Variants in PLD5 observed in about 807,000 individuals in gnomAD.
The protein encoded by PLD5 is phospholipase D family member 5, also known as inactive phospholipase D5.
A neutral mutation model predicts 61.1 loss-of-function variants in PLD5; 36 were observed. The ratio of observed to expected loss-of-function variants is 0.59; its 90% CI spans 0.45 to 0.78. The LOEUF (loss-of-function observed/expected upper bound fraction) is 0.78, where lower values mean the gene tolerates loss of function less well. Among genes scored for constraint, PLD5 ranks in the 30% least tolerant of loss-of-function variants. The probability of loss-of-function intolerance (pLI) is 0.00; values close to 1 mark genes in which losing one functional copy is unlikely to be tolerated. For missense variants in PLD5, 515 were observed against 644.4 expected (o/e 0.80, Z 2.17); for synonymous variants, 243 against 242.8 (o/e 1.00, Z -0.01).
At chr1:242,195,141 C>T (rs75063778) in intron 5 of PLD5, among the ~76,000 whole-genome samples, 3,321 of 152,320 alleles carry the variant, frequency 0.022, 108 homozygotes, top group African/African-American at 0.065. Context: ...TTGAGAAAGA[C>T]TTTTCTAACA....
At chr1:242,197,650 T>TC (rs1465428441) in intron 5 of PLD5, among the ~76,000 whole-genome samples, 1 of 150,914 alleles carries the variant, frequency 6.6e-6, no homozygotes, top group African/African-American at 2.4e-5. Flanking sequence ...TTTTTTTTTT[T>TC]CTGAGACGGA....
At chr1:242,226,715 A>C (rs1025884233) in intron 4 of PLD5, among the ~76,000 whole-genome samples, 2 of 152,178 alleles carry the variant, frequency 1.3e-5, no homozygotes, top group South Asian at 4.1e-4. Flanking sequence ...AAAAATCAGG[A>C]AACTCCAAAT....
At chr1:242,140,370 A>G (rs1174015286) in intron 5 of PLD5, among the ~76,000 whole-genome samples, 1 of 152,184 alleles carries the variant, frequency 6.6e-6, no homozygotes, top group Non-Finnish European at 1.5e-5. Flanking sequence ...GAGGCTGGGC[A>G]CTGTGGCTCA....
rs112368504 is a variant in PLD5, at chr1:242,244,020, C to T, written c.607+21317G>A. On this transcript the variant is annotated intron_variant, in intron 4 of 9. Coordinates refer to ENST00000536534, the MANE Select transcript of PLD5 (RefSeq NM_001372062.1). ...CAATTTTTCTCTGTTCCTGAAAGCT[C>T]CCAAATTGTCTGGACCTTTTTCAAG... 6.7e-3 allele frequency among the ~76,000 whole-genome samples: 1,016 copies of T among 152,248 alleles called. 17 individuals carry two copies. Among genetic ancestry groups the T allele is most frequent in the African/African-American group, 0.024 (978 of 41,546 alleles).
chr1:242,520,630 T>C (rs567662970), intron 1 of PLD5, among the ~76,000 whole-genome samples: 1 of 152,182 alleles, frequency 6.6e-6, no homozygotes, highest in Non-Finnish European at 1.5e-5. Flanking sequence ...CTCCGTACAG[T>C]GCAGCTGGCA....
At chr1:242,426,810 T>C (rs565605059) in intron 1 of PLD5, among the ~76,000 whole-genome samples, 6 of 152,308 alleles carry the variant, frequency 3.9e-5, no homozygotes, top group African/African-American at 1.2e-4. Flanking sequence ...CTTGGGAACA[T>C]TGTTAGGCTG....
intron 1 of PLD5, among the ~76,000 whole-genome samples, chr1:242,373,074 A>T (rs893214312): frequency 6.6e-6 from 1 of 152,232 alleles, no homozygotes; most frequent in Non-Finnish European, 1.5e-5. Flanking sequence ...CATAATCTAC[A>T]AAGAACTCAA....
chr1:242,508,148 G>A (rs1439585631), intron 1 of PLD5, among the ~76,000 whole-genome samples: 4 of 151,524 alleles, frequency 2.6e-5, no homozygotes, highest in Non-Finnish European at 5.9e-5. Context: ...CGGATCACCT[G>A]AGGTCAGGAG....
chr1:242,206,623 A>C (rs1198097415), intron 5 of PLD5, among the ~76,000 whole-genome samples: 1 of 152,212 alleles, frequency 6.6e-6, no homozygotes, highest in Non-Finnish European at 1.5e-5. Flanking sequence ...ATAATAAAGT[A>C]AGCTAGAGAA....
At chr1:242,516,398 C>A (rs574964853) in intron 1 of PLD5, among the ~76,000 whole-genome samples, 2 of 151,880 alleles carry the variant, frequency 1.3e-5, no homozygotes, top group South Asian at 4.2e-4. Context: ...ATTATTAAAA[C>A]TGCTTCAAAA....
chr1:242,108,736 G>A (rs1293223948), intron 7 of PLD5, among the ~76,000 whole-genome samples: 1 of 152,096 alleles, frequency 6.6e-6, no homozygotes. Flanking sequence ...CCCTAATTCT[G>A]GGCCAATTCA....
rs1250369930 is a variant in PLD5, at chr1:242,088,132, G to C, written c.*1722C>G. The C allele has an allele frequency of 6.6e-6, 1 of 151,948 alleles. No individual in the cohort carries two copies. The highest frequency in any genetic ancestry group is 2.4e-5 in the African/African-American group (1 of 41,272). The allele number at this position is 151,948 out of a possible 1,614,324, so 9.4% of individuals were successfully genotyped here. On this transcript the variant is annotated 3_prime_UTR_variant, in exon 10 of 10. Transcript: ENST00000536534. ...ATTTAGAAATCAAGTCTCCAGAAATGAAAAAGAATAACTGAGTGTTTCCTT... is the reference window on the plus strand; with the variant it reads ...ATTTAGAAATCAAGTCTCCAGAAATCAAAAAGAATAACTGAGTGTTTCCTT...
intron 2 of PLD5, among the ~76,000 whole-genome samples, chr1:242,327,660 T>G: frequency 6.6e-6 from 1 of 152,196 alleles, no homozygotes; most frequent in Middle Eastern, 3.2e-3. Flanking sequence ...AACAGACTGA[T>G]GAGTTGTAGT....
At position 242,466,674 on chromosome 1, in the gene PLD5, C is replaced by T. The variant is rs369680391; in HGVS notation, c.189+57414G>A. Among the ~76,000 whole-genome samples the T allele has an allele frequency of 1.6e-4, 24 of 152,226 alleles. No homozygotes were observed. In the South Asian group the frequency reaches 4.8e-3, roughly 30 times the overall value. The stretch of plus-strand genomic sequence containing the variant: ...TTGATAGGCCAAGGCGGGCAGATGA[C>T]TTGAGTTAAGGAGTTCGAGACCAGC... On this transcript the variant is annotated intron_variant, in intron 1 of 9. Transcript: ENST00000536534.
At chr1:242,451,032 A>G (rs1358767196) in intron 1 of PLD5, among the ~76,000 whole-genome samples, 3 of 152,016 alleles carry the variant, frequency 2.0e-5, no homozygotes, top group Non-Finnish European at 2.9e-5. Flanking sequence ...CTCTAGAAAC[A>G]CTCAGCCACA....
intron 5 of PLD5, among the ~76,000 whole-genome samples, chr1:242,192,688 C>T (rs1282287606): frequency 6.6e-6 from 1 of 151,938 alleles, no homozygotes; most frequent in African/African-American, 2.4e-5. Context: ...GAAGAGTTAG[C>T]GGAAGAGAAA....
At chr1:242,362,004 G>C (rs1226772265) in intron 1 of PLD5, among the ~76,000 whole-genome samples, 5 of 148,614 alleles carry the variant, frequency 3.4e-5, no homozygotes, top group Non-Finnish European at 7.4e-5. Flanking sequence ...AAATTTTAAA[G>C]AGGAAAAAAA....
intron 1 of PLD5, among the ~76,000 whole-genome samples, chr1:242,379,130 T>A (rs985935543): frequency 6.6e-6 from 1 of 152,190 alleles, no homozygotes; most frequent in Non-Finnish European, 1.5e-5. Context: ...TGTCCAGCAG[T>A]GGCAGACATG....
At chr1:242,199,653 A>C (rs929828496) in intron 5 of PLD5, among the ~76,000 whole-genome samples, 1 of 151,998 alleles carries the variant, frequency 6.6e-6, no homozygotes, top group African/African-American at 2.4e-5. Context: ...CCCACCAAAC[A>C]ACTACCCACT....
Sources: allele counts gnomAD v4.1 joint callset (sites outside exome capture counted in the v4.1 genomes callset), GRCh38; gene constraint gnomAD v4.1.1; transcripts MANE v1.5; gene names NCBI Gene and HGNC (gene_info 2026-07-23, HGNC 2026-07-21).